Variants in ESR1 observed in about 807,000 individuals in gnomAD.
ESR1 encodes estrogen receptor 1, also known as estrogen receptor.
Under a neutral mutation model 52.7 loss-of-function variants are expected in ESR1, and 12 were observed. The observed-to-expected ratio is 0.23, with a 90% CI of 0.15 to 0.37. The LOEUF (loss-of-function observed/expected upper bound fraction) is 0.37. ESR1 is among the 10% of genes least tolerant of loss of function. ESR1 has a pLI of 1.00. For missense variants in ESR1, 584 were observed against 779.7 expected, an observed-to-expected ratio of 0.75 and a Z score of 2.99; for synonymous variants, 305 against 316.8, an observed-to-expected ratio of 0.96 and a Z score of 0.39.
intron 1 of ESR1, among the ~76,000 whole-genome samples, chr6:151,695,225 T>C (rs1388254066): frequency 6.6e-6 from 1 of 152,166 alleles, no homozygotes; most frequent in African/African-American, 2.4e-5. Context: ...CTTTAATAAC[T>C]TCATTTGGAT....
chr6:151,724,657 C>T (rs1260973027), intron 2 of ESR1, among the ~76,000 whole-genome samples: 2 of 152,042 alleles, frequency 1.3e-5, no homozygotes, highest in Non-Finnish European at 2.9e-5. Context: ...CATCTTGTAT[C>T]TCTTTTGGGC....
intron 1 of ESR1, among the ~76,000 whole-genome samples, chr6:151,667,640 T>C (rs984889004): frequency 2.6e-5 from 4 of 152,160 alleles, no homozygotes; most frequent in African/African-American, 9.7e-5. Flanking sequence ...TGGAGACTGT[T>C]TATACAGGAT....
At chr6:151,780,046 A>G (rs1786396958) in intron 2 of ESR1, among the ~76,000 whole-genome samples, 1 of 152,186 alleles carries the variant, frequency 6.6e-6, no homozygotes, top group South Asian at 2.1e-4. Context: ...CAGAAACAGA[A>G]AACCAAACAC....
intron 5 of ESR1, among the ~76,000 whole-genome samples, chr6:152,020,985 C>A (rs2043595466): frequency 6.6e-6 from 1 of 152,060 alleles, no homozygotes; most frequent in African/African-American, 2.4e-5. Flanking sequence ...TTTTAGAGAT[C>A]TTCATTAAGT....
chr6:151,776,176 T>C (rs973170356), intron 2 of ESR1, among the ~76,000 whole-genome samples: 1 of 152,010 alleles, frequency 6.6e-6, no homozygotes, highest in Non-Finnish European at 1.5e-5. Context: ...GAAACATCCA[T>C]TGGAGGCCTG....
At chr6:152,026,571 C>T (rs969552011) in intron 5 of ESR1, among the ~76,000 whole-genome samples, 3 of 151,676 alleles carry the variant, frequency 2.0e-5, no homozygotes, top group Non-Finnish European at 2.9e-5. Context: ...TTTATTGATA[C>T]CAACACAGTT....
chr6:152,102,620 T>C lies in ESR1; in HGVS notation c.*3654T>C, dbSNP rs888612671. 3 of 220,948 alleles carry C rather than the reference T, an allele frequency of 1.4e-5. No homozygotes were observed. The highest frequency in any genetic ancestry group is 2.7e-5 in the Non-Finnish European group (3 of 110,274). 13.7% of individuals were successfully genotyped at this position (220,948 alleles called of 1,614,324 possible). A position where few individuals can be genotyped will look rare whatever the true frequency, so the allele number is the denominator to read the frequency against. The stretch of plus-strand genomic sequence containing the variant: ...TCCATCTTTTCAGTAGCGTTAATTA[T>C]GCTCTGTTTCCAACTGCATTTCCTT... On this transcript the variant is annotated 3_prime_UTR_variant, in exon 8 of 8. Coordinates refer to ENST00000206249, the MANE Select transcript of ESR1 (RefSeq NM_000125.4).
intron 2 of ESR1, among the ~76,000 whole-genome samples, chr6:151,871,472 C>T (rs1331550929): frequency 2.6e-5 from 4 of 152,038 alleles, no homozygotes; most frequent in Admixed American, 6.6e-5. Flanking sequence ...GGTGCAATCT[C>T]GGCTCACTGC....
intron 6 of ESR1, among the ~76,000 whole-genome samples, chr6:152,119,176 G>C (rs1378439310): frequency 6.6e-6 from 1 of 152,174 alleles, no homozygotes; most frequent in Non-Finnish European, 1.5e-5. Context: ...AAGTTTTGTA[G>C]CTATAATGTC....
At chr6:152,106,103 T>C (rs537071366), downstream of ESR1, among the ~76,000 whole-genome samples, 138 of 152,302 alleles carry the variant, frequency 9.1e-4, no homozygotes, top group African/African-American at 3.0e-3. Flanking sequence ...TCAGTATGCA[T>C]CTTAATCTAT....
intron 1 of ESR1, chr6:151,809,315 C>T: frequency 3.1e-6 from 1 of 322,530 alleles, no homozygotes. Flanking sequence ...AAGAATTGTT[C>T]TTTCTCCCTC....
chr6:151,675,976 G>C lies in ESR1; in HGVS notation n.73+19213G>C, dbSNP rs76253914. On this transcript the variant is annotated intron_variant and non_coding_transcript_variant, in intron 1 of 2. Transcript: ENST00000473497. ...GCCAGCACCTGCCTGCAGATTCCAA[G>C]GCACAGGTGGAGGTGGTAATGAGTT... Among the ~76,000 whole-genome samples the C allele has an allele frequency of 4.6e-3, 698 of 152,346 alleles. 1 individual carries two copies. Among genetic ancestry groups the C allele is most frequent in the Non-Finnish European group, 7.2e-3 (489 of 68,028 alleles).
chr6:151,988,660 A>G (rs1584676607), intron 4 of ESR1, among the ~76,000 whole-genome samples: 1 of 152,102 alleles, frequency 6.6e-6, no homozygotes, highest in African/African-American at 2.4e-5. Context: ...GAAATAATCT[A>G]TACAACAAAC....
intron 1 of ESR1, among the ~76,000 whole-genome samples, chr6:151,816,765 T>C (rs1211551573): frequency 6.6e-6 from 1 of 152,122 alleles, no homozygotes; most frequent in African/African-American, 2.4e-5. Flanking sequence ...CAAATTTGGC[T>C]GCGTGCAGCT....
At chr6:151,786,755 G>A (rs181013979) in intron 2 of ESR1, among the ~76,000 whole-genome samples, 6 of 151,676 alleles carry the variant, frequency 4.0e-5, no homozygotes, top group Admixed American at 3.9e-4. Flanking sequence ...TCTGTCTATG[G>A]GTAGCTAGTT....
At chr6:151,838,639 T>C (rs750817933) in intron 1 of ESR1, among the ~76,000 whole-genome samples, 58 of 152,322 alleles carry the variant, frequency 3.8e-4, no homozygotes, top group Non-Finnish European at 5.4e-4. Context: ...TGCCTTTTAG[T>C]TTATATTCTT....
At chr6:151,761,404 T>C (rs1784651094) in intron 2 of ESR1, among the ~76,000 whole-genome samples, 2 of 152,116 alleles carry the variant, frequency 1.3e-5, no homozygotes, top group Admixed American at 6.6e-5. Context: ...TCCTAACCAT[T>C]TGCATAGGAA....
At chr6:151,687,941 T>G (rs770707660), upstream of ESR1, among the ~76,000 whole-genome samples, 4 of 152,244 alleles carry the variant, frequency 2.6e-5, no homozygotes, top group Non-Finnish European at 4.4e-5. Flanking sequence ...AAATTATACT[T>G]ACGAGATTAA....
At chr6:152,092,436 A>G (rs1366674448) in intron 6 of ESR1, among the ~76,000 whole-genome samples, 1 of 152,178 alleles carries the variant, frequency 6.6e-6, no homozygotes, top group Non-Finnish European at 1.5e-5. Flanking sequence ...TCCTCTGTGT[A>G]GATGTTTCTC....
Sources: gnomAD v4.1 joint callset for allele counts (sites outside exome capture counted in the v4.1 genomes callset) on GRCh38, gnomAD v4.1.1 for gene constraint, MANE v1.5 for transcripts, NCBI Gene and HGNC (gene_info 2026-07-23, HGNC 2026-07-21) for gene names.